The following SLC2A14 variants were observed in gnomAD, a reference collection of about 807,000 sequenced individuals.
The protein encoded by SLC2A14 is solute carrier family 2, facilitated glucose transporter member 14.
In SLC2A14, 13 loss-of-function variants were observed where a neutral mutation model predicts 43.0. The observed-to-expected ratio is 0.30, with a 90% CI of 0.20 to 0.48. The LOEUF (loss-of-function observed/expected upper bound fraction) is 0.48, where lower values mean the gene tolerates loss of function less well. Among genes scored for constraint, SLC2A14 ranks in the 20% least tolerant of loss-of-function variants. The pLI is 0.99. For missense variants in SLC2A14, 428 were observed against 620.4 expected, an observed-to-expected ratio of 0.69 and a Z score of 3.29; for synonymous variants, 190 against 233.8, an observed-to-expected ratio of 0.81 and a Z score of 1.71.
At chr12:7,863,321 A>G (rs1182398925) in intron 2 of SLC2A14, 1 of 451,368 alleles carries the variant, frequency 2.2e-6, no homozygotes, top group Non-Finnish European at 4.4e-6. Flanking sequence ...TCTGAACATC[A>G]GAAGGGAGGG....
At chr12:7,814,564 G>T (rs750066193) in intron 10 of SLC2A14, 30 bp from the exon 11 acceptor site, 3 of 1,595,792 alleles carry the variant, frequency 1.9e-6, no homozygotes, top group East Asian at 4.5e-5. Context: ...AAGGAAGGTT[G>T]ATATAAAAAT....
chr12:7,873,061 G>C (rs1440142070), upstream of SLC2A14: 9 of 985,378 alleles, frequency 9.1e-6, no homozygotes, highest in Non-Finnish European at 1.1e-5. Context: ...GGGGTTGTCC[G>C]GCCCCTCCCG....
chr12:7,826,015 T>C (rs902299841), intron 7 of SLC2A14, among the ~76,000 whole-genome samples: 1 of 151,840 alleles, frequency 6.6e-6, no homozygotes, highest in Non-Finnish European at 1.5e-5. Context: ...GTACATTCTT[T>C]AAAGAGGTGC....
chr12:7,844,976 T>G (rs904730651), intron 2 of SLC2A14, among the ~76,000 whole-genome samples: 1 of 152,186 alleles, frequency 6.6e-6, no homozygotes, highest in Non-Finnish European at 1.5e-5. Flanking sequence ...GTTAACATTA[T>G]CACCATTTTA....
chr12:7,830,791 C>T (rs1344482961), intron 4 of SLC2A14, among the ~76,000 whole-genome samples: 2 of 152,132 alleles, frequency 1.3e-5, no homozygotes, highest in East Asian at 3.9e-4. Context: ...ATATATTCTA[C>T]CTTCTAAAAT....
chr12:7,872,084 G>A (rs1945265289), intron 1 of SLC2A14: 1 of 195,976 alleles, frequency 5.1e-6, no homozygotes, highest in Non-Finnish European at 9.2e-6. Flanking sequence ...GTATTAAACT[G>A]GGACAAAACT....
At chr12:7,830,126 CT>C in intron 4 of SLC2A14, 120 bp from the exon 5 acceptor site, 1 of 1,310,700 alleles carries the variant, frequency 7.6e-7, no homozygotes, top group African/African-American at 1.5e-5. Flanking sequence ...TTTGGTCTAA[CT>C]TTTCTTTTTC....
intron 2 of SLC2A14, among the ~76,000 whole-genome samples, chr12:7,843,195 A>C (rs935494548): frequency 9.0e-5 from 12 of 134,010 alleles, no homozygotes; most frequent in Non-Finnish European, 1.5e-4. Context: ...GTTCTTTTTC[A>C]CCCTTTTTTA....
chr12:7,879,332 A>ACAAC (rs1279012123), intron 1 of SLC2A14, among the ~76,000 whole-genome samples: 3 of 148,782 alleles, frequency 2.0e-5, no homozygotes, highest in Admixed American at 1.3e-4. Flanking sequence ...AACAACAACA[A>ACAAC]AAAAAAACAA....
intron 1 of SLC2A14, among the ~76,000 whole-genome samples, chr12:7,884,299 G>T (rs9634078): frequency 0.19 from 28,865 of 151,938 alleles, 3,077 homozygotes; most frequent in Middle Eastern, 0.32. Flanking sequence ...TTTACTCCTG[G>T]AGGCTGGGAC....
chr12:7,852,998 A>G (rs1348931420), intron 2 of SLC2A14, among the ~76,000 whole-genome samples: 2 of 152,180 alleles, frequency 1.3e-5, no homozygotes, highest in Non-Finnish European at 2.9e-5. Context: ...TTAAATTATT[A>G]CAAAATATCC....
chr12:7,829,178 C>T (rs1864778732), intron 5 of SLC2A14, among the ~76,000 whole-genome samples: 1 of 151,958 alleles, frequency 6.6e-6, no homozygotes, highest in African/African-American at 2.4e-5. Flanking sequence ...CGCCACTGCC[C>T]TCCAGACTGG....
rs748508037 is a variant in SLC2A14, at chr12:7,814,412, A to G, written c.1398T>C (p.Phe466=). 125 of 1,613,240 alleles carry G rather than the reference A, an allele frequency of 7.7e-5. No homozygotes were observed. The highest frequency in any genetic ancestry group is 1.0e-4 in the Non-Finnish European group (118 of 1,179,748). The change falls in exon 11 of 11, where the codon TTT becomes TTC. Residue 466 remains phenylalanine, a synonymous_variant. Transcript: ENST00000431042. The part of the protein sequence containing the change: ...GRTFEDITRA[F]EGQAHGADRS... Reference sequence around the variant, plus strand: ...TATCTGCACCGTGTGCCTGCCCTTCAAAGGCCCGTGTGATATCCTCAAAAG... The same window carrying G: ...TATCTGCACCGTGTGCCTGCCCTTCGAAGGCCCGTGTGATATCCTCAAAAG...
intron 7 of SLC2A14, among the ~76,000 whole-genome samples, 169 bp from the exon 8 acceptor site, chr12:7,821,494 C>T (rs747710998): frequency 9.2e-5 from 14 of 152,044 alleles, no homozygotes; most frequent in Non-Finnish European, 1.9e-4. Flanking sequence ...ACCAGCCTGG[C>T]CAATATGGTG....
chr12:7,815,882 G>GTT (rs139136611), intron 10 of SLC2A14, among the ~76,000 whole-genome samples: 80 of 147,920 alleles, frequency 5.4e-4, no homozygotes, highest in African/African-American at 9.7e-4. Flanking sequence ...GGCCAGTTTT[G>GTT]TTTTTTTTTG....
At chr12:7,883,585 CTTTTCTTTTTTTTTTTT>C (rs1945631077) in intron 1 of SLC2A14, among the ~76,000 whole-genome samples, 1 of 121,080 alleles carries the variant, frequency 8.3e-6, no homozygotes, top group Admixed American at 8.8e-5. Context: ...TTTTCTTTTT[CTTTTCTTTTTTTTTTTT>C]TTTTTTTTTT....
chr12:7,826,728 A>G (rs1262129159), intron 7 of SLC2A14, among the ~76,000 whole-genome samples: 3 of 152,008 alleles, frequency 2.0e-5, no homozygotes, highest in African/African-American at 4.8e-5. Context: ...TCTTTAAACT[A>G]TCATGCTCCC....
At chr12:7,886,297 G>A (rs1945688259) in intron 1 of SLC2A14, among the ~76,000 whole-genome samples, 1 of 151,050 alleles carries the variant, frequency 6.6e-6, no homozygotes, top group Non-Finnish European at 1.5e-5. Context: ...AAGTAGCTGG[G>A]ACCACAGGCA....
At chr12:7,818,142 C>T in intron 9 of SLC2A14, 108 bp from the exon 10 acceptor site, 1 of 944,870 alleles carries the variant, frequency 1.1e-6, no homozygotes, top group Non-Finnish European at 1.6e-6. Context: ...ACGTACAATA[C>T]AAAGAGTGGC....
Sources: gnomAD v4.1 joint callset for allele counts (sites outside exome capture counted in the v4.1 genomes callset) on GRCh38, gnomAD v4.1.1 for gene constraint, MANE v1.5 for transcripts, NCBI Gene and HGNC (gene_info 2026-07-23, HGNC 2026-07-21) for gene names.